TSBP1: variants seen among roughly 807,000 people sequenced by gnomAD.
TSBP1 encodes the protein testis expressed basic protein 1.
A neutral mutation model predicts 68.8 loss-of-function variants in TSBP1; 56 were observed. The ratio of observed to expected loss-of-function variants is 0.81; its 90% confidence interval spans 0.66 to 1.02. TSBP1 has a LOEUF of 1.02. TSBP1 is among the 50% of genes least tolerant of loss of function. The pLI, the probability that TSBP1 is intolerant of heterozygous loss-of-function variation, is 0.00. For synonymous variants in TSBP1, 171 were observed against 208.7 expected, an observed-to-expected ratio of 0.82 and a Z score of 1.56; for missense variants, 502 against 641.2, an observed-to-expected ratio of 0.78 and a Z score of 2.34.
chr6:32,348,256 T>A (rs967711474), intron 9 of TSBP1, among the ~76,000 whole-genome samples: 1 of 152,210 alleles, frequency 6.6e-6, no homozygotes, highest in African/African-American at 2.4e-5. Context: ...GTTTATTGTT[T>A]AGCATGTTTC....
intron 16 of TSBP1, among the ~76,000 whole-genome samples, chr6:32,329,564 G>A (rs9368714): frequency 0.29 from 43,548 of 151,898 alleles, 6,920 homozygotes; most frequent in Middle Eastern, 0.39. Context: ...GTGTGGTTGT[G>A]TGGGATGCTG....
At chr6:32,344,236 C>T (rs957112514) in intron 9 of TSBP1, among the ~76,000 whole-genome samples, 4 of 142,678 alleles carry the variant, frequency 2.8e-5, no homozygotes, top group Non-Finnish European at 6.1e-5. Flanking sequence ...AGGTATATTT[C>T]CTAATGCTAT....
At chr6:32,345,908 G>A (rs1770960264) in intron 9 of TSBP1, among the ~76,000 whole-genome samples, 1 of 152,058 alleles carries the variant, frequency 6.6e-6, no homozygotes, top group Non-Finnish European at 1.5e-5. Flanking sequence ...GGGATGAATA[G>A]CTTCCTGTGG....
chr6:32,327,580 G>A (rs524578), intron 16 of TSBP1, among the ~76,000 whole-genome samples: 51,805 of 151,728 alleles, frequency 0.34, 9,976 homozygotes, highest in Middle Eastern at 0.52. Flanking sequence ...AGGGACAGTA[G>A]ATGCTTGAAA....
In TSBP1 at chr6:32,369,373, A is replaced by ATTTT. The variant is rs9281761; in HGVS notation, c.100+520_100+523dup. Among the ~76,000 whole-genome samples the ATTTT allele has an allele frequency of 2.8e-4, 36 of 127,016 alleles. 1 individual carries two copies. The highest frequency in any genetic ancestry group is 7.9e-4 in the African/African-American group (27 of 34,230). The allele number at this position is 127,016 out of a possible 152,430, so 83.3% of individuals were successfully genotyped here. A position where few individuals can be genotyped will look rare whatever the true frequency, so the allele number is the denominator to read the frequency against. On this transcript the variant is annotated intron_variant, in intron 2 of 22. Coordinates refer to ENST00000612031, the Ensembl canonical transcript of TSBP1. Reference sequence around the variant, plus strand: ...CTTATTACTTTTGCTAAACTCTGTGATTTTTTTTTTTTTTTGAGATGGAGT... The same window carrying ATTTT: ...CTTATTACTTTTGCTAAACTCTGTGATTTTTTTTTTTTTTTTTTTGAGATGGAGT...
rs139993810 is a variant in TSBP1 at position 32,335,930 on chromosome 6, C to T, written c.433G>A (p.Gly145Arg). ...AACTTACTGATAGGTCCTGTAGCTC[C>T]GGCTGTGAGAGAGAAAGAGGGAGAA... Residue 145 changes from glycine (G) to arginine (R), a missense_variant and splice_region_variant, in exon 13 of 23, where the codon GGA becomes AGA. Coordinates refer to ENST00000612031, the Ensembl canonical transcript of TSBP1. The surrounding 1 kb of genome is among the most constrained non-coding windows in gnomAD (Gnocchi z 5.5). 10,406 of 1,608,336 alleles carry T rather than the reference C, an allele frequency of 6.5e-3. 177 individuals are homozygous for T. The highest frequency in any genetic ancestry group is 0.018 in the Admixed American group (1,075 of 59,974).
chr6:32,297,011 ATTAACAT>A (rs1431390594), intron 22 of TSBP1, among the ~76,000 whole-genome samples: 4 of 152,210 alleles, frequency 2.6e-5, no homozygotes, highest in African/African-American at 9.7e-5. Context: ...CTTGAATTTA[ATTAACAT>A]AGATTAGATT....
In TSBP1 at chr6:32,336,763, T is replaced by A; in HGVS notation, c.410-128A>T. The A allele has an allele frequency of 1.3e-6, 1 of 764,140 alleles. No individual in the cohort carries two copies. Among genetic ancestry groups the A allele is most frequent in the Non-Finnish European group, 2.2e-6 (1 of 449,708 alleles). 47.3% of individuals were successfully genotyped at this position (764,140 alleles called of 1,614,324 possible). A position where few individuals can be genotyped will look rare whatever the true frequency, so the allele number is the denominator to read the frequency against. Reference sequence around the variant, plus strand: ...ACAACTACTGTGGGACTGCAGATGATCTTAGCCTGGAAGCTGCATAACCCT... The same window carrying A: ...ACAACTACTGTGGGACTGCAGATGAACTTAGCCTGGAAGCTGCATAACCCT... On this transcript the variant is annotated intron_variant, in intron 11 of 22. Coordinates refer to ENST00000612031, the Ensembl canonical transcript of TSBP1. The surrounding 1 kb of genome is among the most constrained non-coding windows in gnomAD (Gnocchi z 5.2).
In TSBP1 at chr6:32,314,513, A is replaced by C. The variant is rs992210660; in HGVS notation, c.580+1259T>G. 6.6e-6 allele frequency among the ~76,000 whole-genome samples: 1 copy of C among 152,196 alleles called. No homozygotes were observed. The highest frequency in any genetic ancestry group is 2.4e-5 in the African/African-American group (1 of 41,446). The stretch of plus-strand genomic sequence containing the variant: ...CTTCATTTCTGGGTCTCAACCACTG[A>C]GTATGTATTTTCATCTGTGCAGTGA... On this transcript the variant is annotated intron_variant, in intron 19 of 22. Transcript: ENST00000612031. The surrounding 1 kb of genome is among the most constrained non-coding windows in gnomAD (Gnocchi z 4.2).
intron 17 of TSBP1, 104 bp from the exon 19 acceptor site, chr6:32,323,241 T>C: frequency 1.3e-6 from 1 of 748,962 alleles, no homozygotes; most frequent in Non-Finnish European, 2.3e-6. Flanking sequence ...CCTTTCTGGG[T>C]CTAAATTATG....
At chr6:32,348,334 T>G (rs1562160272) in intron 9 of TSBP1, among the ~76,000 whole-genome samples, 2 of 152,218 alleles carry the variant, frequency 1.3e-5, no homozygotes, top group Non-Finnish European at 2.9e-5. Flanking sequence ...AAAACATGTT[T>G]TAATTATAAA....
Position 32,336,741 on chromosome 6 carries a change from A to G in TSBP1, c.410-106T>C. On this transcript the variant is annotated intron_variant, in intron 11 of 22. Transcript: ENST00000612031. This position sits in a 1 kb window ranked among gnomAD's most constrained non-coding sequence, Gnocchi z 5.2. ...GAAGCAATTCAACCAGAGGAGAACA[A>G]CTACTGTGGGACTGCAGATGATCTT... 2 of 987,646 alleles carry G rather than the reference A, an allele frequency of 2.0e-6. No individual in the cohort carries two copies. The highest frequency in any genetic ancestry group is 1.6e-6 in the Non-Finnish European group (1 of 630,924). The allele number at this position is 987,646 out of a possible 1,614,324, so 61.2% of individuals were successfully genotyped here. A position where few individuals can be genotyped will look rare whatever the true frequency, so the allele number is the denominator to read the frequency against.
In TSBP1 at chr6:32,325,897, T is replaced by C; in HGVS notation, c.515-2283A>G. 5.2e-6 allele frequency: 8 copies of C among 1,542,150 alleles called. No homozygotes were observed. Among genetic ancestry groups the C allele is most frequent in the Non-Finnish European group, 7.1e-6 (8 of 1,129,670 alleles). On this transcript the variant is annotated intron_variant, in intron 16 of 22. Coordinates refer to ENST00000612031, the Ensembl canonical transcript of TSBP1. The surrounding 1 kb of genome is among the most constrained non-coding windows in gnomAD (Gnocchi z 4.4). Reference sequence around the variant, plus strand: ...AGGAAACTTCAGTGGTTGTGGTGGCTTTGGTGGCAGCTGTGGTGGTGGTGG... The same window carrying C: ...AGGAAACTTCAGTGGTTGTGGTGGCCTTGGTGGCAGCTGTGGTGGTGGTGG...
Position 32,315,134 on chromosome 6 carries a change from A to G in TSBP1, c.580+638T>C, listed in dbSNP as rs1478724498. 6.6e-6 allele frequency among the ~76,000 whole-genome samples: 1 copy of G among 152,214 alleles called. No individual in the cohort carries two copies. Among genetic ancestry groups the G allele is most frequent in the East Asian group, 1.9e-4 (1 of 5,202 alleles). ...ACTGAGATATGAGAACCAGATTTGC[A>G]TTTTGGAAAACTAGGACACAGTGTG... On this transcript the variant is annotated intron_variant, in intron 19 of 22. Transcript: ENST00000612031. This position sits in a 1 kb window ranked among gnomAD's most constrained non-coding sequence, Gnocchi z 5.4.
At chr6:32,323,763 T>A in intron 16 of TSBP1, 149 bp from the exon 18 acceptor site, 1 of 689,708 alleles carries the variant, frequency 1.4e-6, no homozygotes, top group Non-Finnish European at 2.5e-6. Flanking sequence ...ATCAGCAGAA[T>A]GCGAACTTTC....
intron 17 of TSBP1, 187 bp downstream of exon 18, chr6:32,323,404 A>T (rs1767853564): frequency 1.4e-6 from 1 of 722,122 alleles, no homozygotes; most frequent in Non-Finnish European, 2.6e-6. Context: ...ATATGTTTGA[A>T]ATTATGTAAA....
intron 16 of TSBP1, among the ~76,000 whole-genome samples, chr6:32,327,525 A>G (rs1375671413): frequency 6.6e-6 from 1 of 152,190 alleles, no homozygotes; most frequent in African/African-American, 2.4e-5. Flanking sequence ...GAGATTGGCT[A>G]TAAAGTGGTA....
At chr6:32,303,518 CA>C (rs1454573406) in intron 19 of TSBP1, among the ~76,000 whole-genome samples, 1 of 151,824 alleles carries the variant, frequency 6.6e-6, no homozygotes, top group Non-Finnish European at 1.5e-5. Context: ...ATTAATGTTT[CA>C]TGGCATATAT....
In TSBP1 at chr6:32,337,356, C is replaced by T. The variant is rs1769797902; in HGVS notation, c.410-721G>A. ...CACATTTGGTCAGGCAGCGTTCCTT[C>T]CCCTTTCCCCACGGGTGTCCTGCTT... On this transcript the variant is annotated intron_variant, in intron 11 of 22. Coordinates refer to ENST00000612031, the Ensembl canonical transcript of TSBP1. This position sits in a 1 kb window ranked among gnomAD's most constrained non-coding sequence, Gnocchi z 5.5. Among the ~76,000 whole-genome samples the T allele has an allele frequency of 6.6e-6, 1 of 152,154 alleles. No individual in the cohort carries two copies. The highest frequency in any genetic ancestry group is 1.5e-5 in the Non-Finnish European group (1 of 68,032).
Sources: gnomAD v4.1 joint callset for allele counts (sites outside exome capture counted in the v4.1 genomes callset) on GRCh38, gnomAD v4.1.1 for gene constraint, Gnocchi (gnomAD v3.1) non-coding constraint, MANE v1.5 for transcripts, NCBI Gene and HGNC (gene_info 2026-07-23, HGNC 2026-07-21) for gene names.